RNGTT: variants seen among roughly 807,000 people sequenced by gnomAD.
The protein encoded by RNGTT is RNA guanylyltransferase and 5'-phosphatase.
In RNGTT, 33 loss-of-function variants were observed where a neutral mutation model predicts 79.3. That is an observed-to-expected ratio of 0.42 (90% CI 0.32 to 0.56). RNGTT has a LOEUF of 0.56. Ranked by LOEUF, RNGTT falls within the 20% of genes least tolerant of loss-of-function variation. The pLI, the probability that RNGTT is intolerant of heterozygous loss-of-function variation, is 0.17. For missense variants in RNGTT, 497 were observed against 739.1 expected (o/e 0.67, Z 3.80); for synonymous variants, 222 against 235.9 (o/e 0.94, Z 0.54).
Position 88,611,611 on chromosome 6 carries a change from T to C in RNGTT, c.*1108A>G, listed in dbSNP as rs1772027091. On this transcript the variant is annotated 3_prime_UTR_variant, in exon 16 of 16. Transcript: ENST00000369485. ...GAAATAACATCCGCAGAATAGAATG[T>C]AGATAGAATTCTCGCTTTGAAAATA... The C allele has an allele frequency of 6.6e-6, 1 of 152,522 alleles. No individual in the cohort carries two copies. Among genetic ancestry groups the C allele is most frequent in the Admixed American group, 6.5e-5 (1 of 15,304 alleles). The allele number at this position is 152,522 out of a possible 1,614,324, so 9.4% of individuals were successfully genotyped here.
intron 8 of RNGTT, among the ~76,000 whole-genome samples, chr6:88,861,481 T>G (rs1782013398): frequency 6.6e-6 from 1 of 152,200 alleles, no homozygotes; most frequent in South Asian, 2.1e-4. Flanking sequence ...GATAACCTCT[T>G]TTGCAAGATA....
chr6:88,644,480 G>C (rs1223648974), intron 14 of RNGTT, among the ~76,000 whole-genome samples: 3 of 152,076 alleles, frequency 2.0e-5, no homozygotes, highest in Admixed American at 6.5e-5. Context: ...GAAAAAGAGG[G>C]AATCCTCCCT....
intron 14 of RNGTT, among the ~76,000 whole-genome samples, chr6:88,635,660 C>A (rs2127771100): frequency 6.6e-6 from 1 of 152,152 alleles, no homozygotes; most frequent in African/African-American, 2.4e-5. Context: ...CTAATATTTA[C>A]TCTGGCATCT....
chr6:88,891,222 T>C (rs1487343153), intron 7 of RNGTT, among the ~76,000 whole-genome samples: 1 of 152,168 alleles, frequency 6.6e-6, no homozygotes, highest in Non-Finnish European at 1.5e-5. Context: ...AAAGTTCTTT[T>C]CATTAGGAAT....
rs2127844374 is a variant in RNGTT at position 88,612,637 on chromosome 6, C to G, written c.*82G>C. ...TCAACATCAAGCCACAGTCGTTTTT[C>G]AATTTCTCTGGCTACAAAAATGGGC... On this transcript the variant is annotated 3_prime_UTR_variant, in exon 16 of 16. Coordinates refer to ENST00000369485, the MANE Select transcript of RNGTT (RefSeq NM_003800.5). The G allele has an allele frequency of 2.0e-3, 1,836 of 902,066 alleles. No homozygotes were observed. The highest frequency in any genetic ancestry group is 5.9e-3 in the Middle Eastern group (13 of 2,212). The allele number at this position is 902,066 out of a possible 1,614,324, so 55.9% of individuals were successfully genotyped here.
chr6:88,837,408 A>T (rs1781117351), intron 11 of RNGTT, among the ~76,000 whole-genome samples: 1 of 152,124 alleles, frequency 6.6e-6, no homozygotes, highest in African/African-American at 2.4e-5. Flanking sequence ...AAACAACAAC[A>T]ACAACAAAAA....
intron 13 of RNGTT, among the ~76,000 whole-genome samples, chr6:88,725,156 C>T (rs551947988): frequency 3.3e-5 from 5 of 152,212 alleles, no homozygotes; most frequent in East Asian, 3.8e-4. Context: ...ATTCCCTTCC[C>T]GGGGCGGTCT....
intron 13 of RNGTT, among the ~76,000 whole-genome samples, chr6:88,681,908 T>C (rs1562191868): frequency 6.6e-6 from 1 of 152,174 alleles, no homozygotes; most frequent in African/African-American, 2.4e-5. Flanking sequence ...TAAGGAGGCA[T>C]TGTTGGACAA....
At chr6:88,649,870 T>G (rs1562170855) in intron 14 of RNGTT, among the ~76,000 whole-genome samples, 1 of 152,186 alleles carries the variant, frequency 6.6e-6, no homozygotes, top group Non-Finnish European at 1.5e-5. Flanking sequence ...CAGTGCTGAC[T>G]GAAGGAGAGA....
chr6:88,612,632 T>TG lies in RNGTT; in HGVS notation c.*86_*87insC. The TG allele has an allele frequency of 4.3e-6, 6 of 1,406,990 alleles. No individual in the cohort carries two copies. Among genetic ancestry groups the TG allele is most frequent in the Non-Finnish European group, 3.9e-6 (4 of 1,028,912 alleles). The allele number at this position is 1,406,990 out of a possible 1,614,324, so 87.2% of individuals were successfully genotyped here. A position where few individuals can be genotyped will look rare whatever the true frequency, so the allele number is the denominator to read the frequency against. On this transcript the variant is annotated 3_prime_UTR_variant, in exon 16 of 16. Transcript: ENST00000369485. ...GTGTATCAACATCAAGCCACAGTCG[T>TG]TTTTCAATTTCTCTGGCTACAAAAA...
intron 14 of RNGTT, among the ~76,000 whole-genome samples, chr6:88,668,171 A>G (rs1279369164): frequency 6.6e-6 from 1 of 152,134 alleles, no homozygotes; most frequent in Non-Finnish European, 1.5e-5. Flanking sequence ...AGACTGGAAC[A>G]TAGCCCCTTT....
At chr6:88,738,839 TACACACAC>T (rs200498670) in intron 13 of RNGTT, among the ~76,000 whole-genome samples, 4 of 142,604 alleles carry the variant, frequency 2.8e-5, no homozygotes, top group East Asian at 4.1e-4. Context: ...ATAAATAAAA[TACACACAC>T]ACACACACAC....
At chr6:88,887,499 G>GA in intron 8 of RNGTT, among the ~76,000 whole-genome samples, 1 of 152,170 alleles carries the variant, frequency 6.6e-6, no homozygotes, top group South Asian at 2.1e-4. Flanking sequence ...TTCTCTCCCA[G>GA]AAAAAAGTAT....
rs561151433 is a variant in RNGTT at position 88,904,472 on chromosome 6, C to G, written c.684+243G>C. The stretch of plus-strand genomic sequence containing the variant: ...GCACATGTCTACAGTCCCAGCTACT[C>G]AGGAGGCTGAGGTGGGAGGATCACT... On this transcript the variant is annotated intron_variant, in intron 6 of 15. Coordinates refer to ENST00000369485, the MANE Select transcript of RNGTT (RefSeq NM_003800.5). Among the ~76,000 whole-genome samples, 16 of 151,948 alleles carry G rather than the reference C, an allele frequency of 1.1e-4. No individual in the cohort carries two copies. The South Asian group carries it at 3.3e-3, about 32-fold the overall frequency.
intron 13 of RNGTT, among the ~76,000 whole-genome samples, chr6:88,734,827 CGACACATTATAAAACAG>C (rs1777231938): frequency 6.6e-6 from 1 of 152,036 alleles, no homozygotes; most frequent in Non-Finnish European, 1.5e-5. Context: ...ATGAAATAGT[CGACACATTATAAAACAG>C]GCTTTTGTGT....
At chr6:88,905,342 C>A (rs1168766453) in intron 5 of RNGTT, among the ~76,000 whole-genome samples, 1 of 152,116 alleles carries the variant, frequency 6.6e-6, no homozygotes, top group Non-Finnish European at 1.5e-5. Context: ...GATCCAGGCA[C>A]TAAGAGTCTA....
At chr6:88,647,672 C>T (rs548515888) in intron 14 of RNGTT, among the ~76,000 whole-genome samples, 8 of 131,882 alleles carry the variant, frequency 6.1e-5, no homozygotes, top group African/African-American at 2.3e-4. Context: ...ACCTGCACTC[C>T]AGCCTGGGTG....
rs552858053 is a variant in RNGTT, at chr6:88,833,549, G to A, written c.1269+10808C>T. Among the ~76,000 whole-genome samples the A allele has an allele frequency of 2.0e-4, 30 of 152,278 alleles. No individual in the cohort carries two copies. In the South Asian group the frequency reaches 5.8e-3, roughly 29 times the overall value. ...TCTATGTAACAAACCTACATGTTCT[G>A]CACATGTATCCCAGAACTTAAAGCA... On this transcript the variant is annotated intron_variant, in intron 11 of 15. Transcript: ENST00000369485.
chr6:88,716,393 G>T (rs1582374675), intron 13 of RNGTT, among the ~76,000 whole-genome samples: 2 of 152,162 alleles, frequency 1.3e-5, no homozygotes, highest in African/African-American at 4.8e-5. Flanking sequence ...TTCAACCATT[G>T]TGGAAGTCAG....
Sources: gnomAD v4.1 joint callset for allele counts (sites outside exome capture counted in the v4.1 genomes callset) on GRCh38, gnomAD v4.1.1 for gene constraint, MANE v1.5 for transcripts, NCBI Gene and HGNC (gene_info 2026-07-23, HGNC 2026-07-21) for gene names.